Variants in SCN4B observed in about 807,000 individuals in gnomAD.
SCN4B encodes sodium voltage-gated channel beta subunit 4, also known as sodium channel regulatory subunit beta-4.
In SCN4B, 20 loss-of-function variants were observed where a neutral mutation model predicts 19.6. That is an observed-to-expected ratio of 1.02 (90% confidence interval 0.72 to 1.48). The LOEUF is 1.48. Among genes scored for constraint, SCN4B ranks in the 40% most tolerant of loss-of-function variants. SCN4B has a pLI of 0.00. For synonymous variants in SCN4B, 127 were observed against 122.8 expected (o/e 1.03, Z -0.22); for missense variants, 271 against 287.5 (o/e 0.94, Z 0.42).
At chr11:118,152,195 A>ATC (rs1948239888) in intron 1 of SCN4B, among the ~76,000 whole-genome samples, 1 of 151,156 alleles carries the variant, frequency 6.6e-6, no homozygotes, top group Admixed American at 6.6e-5. Context: ...GAAACAAGCA[A>ATC]ACGGCTCTGG....
At chr11:118,152,082 C>G (rs965594845) in intron 1 of SCN4B, among the ~76,000 whole-genome samples, 2 of 152,172 alleles carry the variant, frequency 1.3e-5, no homozygotes, top group Admixed American at 6.5e-5. Flanking sequence ...GTAGGGAAGG[C>G]AGTGGCTCCT....
intron 3 of SCN4B, 78 bp from the exon 4 acceptor site, chr11:118,141,414 G>A (rs1185106281): frequency 1.1e-5 from 17 of 1,577,908 alleles, no homozygotes; most frequent in South Asian, 4.4e-5. Context: ...CTGTGGCAGT[G>A]CAAGGGCCAT....
intron 2 of SCN4B, 58 bp from the exon 3 acceptor site, chr11:118,144,119 A>G (rs1260167311): frequency 3.3e-6 from 4 of 1,201,344 alleles, no homozygotes; most frequent in Non-Finnish European, 4.9e-6. Context: ...GGGGTCCTCA[A>G]GGGTCATGAC....
rs658624 is a variant in SCN4B at position 118,148,052 on chromosome 11, G to A, written c.62-2823C>T. Among the ~76,000 whole-genome samples, 95,431 of 152,208 alleles carry A rather than the reference G, an allele frequency of 0.63. 31,062 individuals carry two copies. Among genetic ancestry groups the A allele is most frequent in the African/African-American group, 0.8 (33,302 of 41,538 alleles). On this transcript the variant is annotated intron_variant, in intron 1 of 4. Coordinates refer to ENST00000324727, the MANE Select transcript of SCN4B (RefSeq NM_174934.4). This position sits in a 1 kb window ranked among gnomAD's most constrained non-coding sequence, Gnocchi z 4.0. ...AGGTCTGGCTCATGACACAGTACAC[G>A]TTTCTGCCTGGTTTGTGTGCACCTA...
At chr11:118,145,414 T>C (rs1440126298) in intron 1 of SCN4B, 185 bp from the exon 2 acceptor site, 1 of 1,520,932 alleles carries the variant, frequency 6.6e-7, no homozygotes, top group Non-Finnish European at 8.8e-7. Context: ...TCATTCTCCA[T>C]TTCTCCCCTG....
At position 118,133,468 on chromosome 11, in the gene SCN4B, G is replaced by A. The variant is rs775214233; in HGVS notation, c.*3559C>T. On this transcript the variant is annotated 3_prime_UTR_variant, in exon 5 of 5. Transcript: ENST00000324727. ...TGTAGAGGCCAGACTGATTATATCC[G>A]TTCTGTGCTCGAACACAAGTCAGTG... 2.4e-5 allele frequency: 11 copies of A among 453,644 alleles called. No homozygotes were observed. The highest frequency in any genetic ancestry group is 3.5e-5 in the Non-Finnish European group (8 of 226,500). The allele number at this position is 453,644 out of a possible 1,614,324, so 28.1% of individuals were successfully genotyped here. A position where few individuals can be genotyped will look rare whatever the true frequency, so the allele number is the denominator to read the frequency against.
rs1947964033 is a variant in SCN4B at position 118,134,412 on chromosome 11, C to T, written c.*2615G>A. 6.6e-6 allele frequency: 3 copies of T among 454,098 alleles called. No homozygotes were observed. Among genetic ancestry groups the T allele is most frequent in the Non-Finnish European group, 1.3e-5 (3 of 226,808 alleles). 28.1% of individuals were successfully genotyped at this position (454,098 alleles called of 1,614,324 possible). A position where few individuals can be genotyped will look rare whatever the true frequency, so the allele number is the denominator to read the frequency against. The stretch of plus-strand genomic sequence containing the variant: ...GTTCCACTTGGGGAAGATAGCTTTG[C>T]CCATATACATCCTAGTGCAAATCCA... On this transcript the variant is annotated 3_prime_UTR_variant, in exon 5 of 5. Transcript: ENST00000324727.
intron 4 of SCN4B, among the ~76,000 whole-genome samples, chr11:118,140,421 T>C (rs934077794): frequency 6.6e-6 from 1 of 152,172 alleles, no homozygotes; most frequent in Non-Finnish European, 1.5e-5. Flanking sequence ...TTTCAGCAAA[T>C]AGGGGCAGAG....
At chr11:118,149,211 G>A (rs1948212385) in intron 1 of SCN4B, among the ~76,000 whole-genome samples, 1 of 152,208 alleles carries the variant, frequency 6.6e-6, no homozygotes, top group Non-Finnish European at 1.5e-5. Flanking sequence ...GGCAAATGTG[G>A]AGGCAGAAAA....
chr11:118,136,278 T>A lies in SCN4B; in HGVS notation c.*749A>T. 1 of 453,806 alleles carries A rather than the reference T, an allele frequency of 2.2e-6. No individual in the cohort carries two copies. Among genetic ancestry groups the A allele is most frequent in the South Asian group, 1.6e-5 (1 of 64,474 alleles). The allele number at this position is 453,806 out of a possible 1,614,324, so 28.1% of individuals were successfully genotyped here. A position where few individuals can be genotyped will look rare whatever the true frequency, so the allele number is the denominator to read the frequency against. ...ATGCTTGGAAAGGCATAGGGAGCAC[T>A]CGGGTACTCCAGGAAGGCTCGAGGG... On this transcript the variant is annotated 3_prime_UTR_variant, in exon 5 of 5. Coordinates refer to ENST00000324727, the MANE Select transcript of SCN4B (RefSeq NM_174934.4).
intron 1 of SCN4B, among the ~76,000 whole-genome samples, chr11:118,149,244 T>C (rs1226373446): frequency 6.6e-6 from 1 of 152,162 alleles, no homozygotes; most frequent in Non-Finnish European, 1.5e-5. Flanking sequence ...TTTTCCCACA[T>C]CCAGGGATCA....
intron 1 of SCN4B, among the ~76,000 whole-genome samples, chr11:118,151,413 C>T (rs754631241): frequency 2.5e-4 from 38 of 152,276 alleles, no homozygotes; most frequent in South Asian, 4.1e-4. Context: ...GAGCCTCAGG[C>T]GTCACTAAGG....
chr11:118,152,500 A>C, intron 1 of SCN4B, 113 bp downstream of exon 1: 1 of 907,858 alleles, frequency 1.1e-6, no homozygotes, highest in East Asian at 2.7e-5. Flanking sequence ...CACCATCCTC[A>C]TTCCGTGCCG....
At chr11:118,139,017 C>T (rs933878722) in intron 4 of SCN4B, among the ~76,000 whole-genome samples, 3 of 152,102 alleles carry the variant, frequency 2.0e-5, no homozygotes, top group Admixed American at 6.5e-5. Context: ...CCAATCCCTC[C>T]GCCCACCATG....
At chr11:118,140,616 G>A (rs2135500895) in intron 4 of SCN4B, among the ~76,000 whole-genome samples, 1 of 152,336 alleles carries the variant, frequency 6.6e-6, no homozygotes, top group South Asian at 2.1e-4. Flanking sequence ...TTTGGGGCCT[G>A]AGGGTTGCAC....
chr11:118,147,690 C>A (rs909007321), intron 1 of SCN4B, among the ~76,000 whole-genome samples: 4 of 152,194 alleles, frequency 2.6e-5, no homozygotes, highest in African/African-American at 9.7e-5. Context: ...ACTCTGCTTC[C>A]CACCCTCCAC....
rs780696530 is a variant in SCN4B at position 118,141,346 on chromosome 11, C to G, written c.464-10G>C. 5.0e-6 allele frequency: 8 copies of G among 1,612,064 alleles called. No homozygotes were observed. The highest frequency in any genetic ancestry group is 6.8e-6 in the Non-Finnish European group (8 of 1,180,016). On this transcript the variant is annotated splice_polypyrimidine_tract_variant and intron_variant, in intron 3 of 4. Transcript: ENST00000324727. The stretch of plus-strand genomic sequence containing the variant: ...TTGTCCACTTCTTCCACTGTGTGGC[C>G]CGAGTAGGGAGGAAAGGGAAGGCAC...
chr11:118,141,258 A>T lies in SCN4B; in HGVS notation c.542T>A (p.Leu181Gln). 2 of 1,612,894 alleles carry T rather than the reference A, an allele frequency of 1.2e-6. No individual in the cohort carries two copies. The highest frequency in any genetic ancestry group is 4.5e-5 in the East Asian group (2 of 44,884). Residue 181 changes from leucine (L) to glutamine (Q), a missense_variant, in exon 4 of 5, where the codon CTG becomes CAG. Coordinates refer to ENST00000324727, the MANE Select transcript of SCN4B (RefSeq NM_174934.4). ...GGVIGLLILI[L>Q]LIKKLIIFIL... ...GAAGATGATGAGTTTCTTGATCAGC[A>T]GGATGAGGATGAGGAGCCCGATGAC... is the stretch of plus-strand genomic sequence containing the variant.
intron 2 of SCN4B, 34 bp from the exon 3 acceptor site, chr11:118,144,095 G>T: frequency 1.4e-6 from 2 of 1,463,334 alleles, no homozygotes; most frequent in Non-Finnish European, 1.9e-6. Context: ...TGAGAAAGTA[G>T]CCGAGAAAGA....
Sources: allele counts gnomAD v4.1 joint callset (sites outside exome capture counted in the v4.1 genomes callset), GRCh38; gene constraint gnomAD v4.1.1; non-coding constraint Gnocchi (gnomAD v3.1); transcripts MANE v1.5; gene names NCBI Gene and HGNC (gene_info 2026-07-23, HGNC 2026-07-21).